Variants in ARHGAP42 observed in about 807,000 individuals in gnomAD.
The protein encoded by ARHGAP42 is rho GTPase-activating protein 42.
ARHGAP42 carries 63 observed loss-of-function variants against 125.0 expected under a neutral mutation model. That is an observed-to-expected ratio of 0.50 (90% CI 0.41 to 0.62). ARHGAP42 has a LOEUF of 0.62. Among genes scored for constraint, ARHGAP42 ranks in the 20% least tolerant of loss-of-function variants. The pLI, the probability that ARHGAP42 is intolerant of heterozygous loss-of-function variation, is 0.00. For missense variants in ARHGAP42, 766 were observed against 1,024.2 expected, an observed-to-expected ratio of 0.75 and a Z score of 3.44; for synonymous variants, 339 against 351.0, an observed-to-expected ratio of 0.97 and a Z score of 0.38.
intron 3 of ARHGAP42, among the ~76,000 whole-genome samples, chr11:100,858,780 A>G (rs1865381150): frequency 6.6e-6 from 1 of 152,090 alleles, no homozygotes; most frequent in Non-Finnish European, 1.5e-5. Flanking sequence ...CAAATTTTGT[A>G]AACTGGGCCT....
intron 2 of ARHGAP42, among the ~76,000 whole-genome samples, chr11:100,783,084 C>A (rs1863352491): frequency 6.6e-6 from 1 of 152,108 alleles, no homozygotes; most frequent in Non-Finnish European, 1.5e-5. Flanking sequence ...CCGTAAGATC[C>A]TTTAATTTTA....
At chr11:100,932,784 C>A (rs762660867) in intron 6 of ARHGAP42, among the ~76,000 whole-genome samples, 1 of 152,164 alleles carries the variant, frequency 6.6e-6, no homozygotes, top group Non-Finnish European at 1.5e-5. Flanking sequence ...GTCTTCCTTA[C>A]GTTGCACATC....
In ARHGAP42 at chr11:100,824,211, G is replaced by C. The variant is rs778280635; in HGVS notation, c.312+29045G>C. ...GGAATGTTTGTGAGAAGGTTCCCAG[G>C]GTAGCATAGAGTTAGTATTCAATAG... On this transcript the variant is annotated intron_variant, in intron 3 of 23. Coordinates refer to ENST00000298815, the MANE Select transcript of ARHGAP42 (RefSeq NM_152432.4). Among the ~76,000 whole-genome samples, 75 of 152,214 alleles carry C rather than the reference G, an allele frequency of 4.9e-4. 1 individual carries two copies. Among genetic ancestry groups the C allele is most frequent in the Non-Finnish European group, 9.7e-4 (66 of 68,016 alleles).
At chr11:100,928,907 G>A (rs925363183) in intron 6 of ARHGAP42, among the ~76,000 whole-genome samples, 2 of 152,020 alleles carry the variant, frequency 1.3e-5, no homozygotes, top group African/African-American at 2.4e-5. Context: ...ACTCAGATGC[G>A]GTTTTCGAGG....
intron 2 of ARHGAP42, among the ~76,000 whole-genome samples, chr11:100,771,773 T>C (rs1429889997): frequency 6.6e-6 from 1 of 152,116 alleles, no homozygotes. Context: ...TAATTTTTTT[T>C]TGTACTTTTA....
At chr11:100,808,358 A>T (rs1359510716) in intron 3 of ARHGAP42, among the ~76,000 whole-genome samples, 1 of 152,094 alleles carries the variant, frequency 6.6e-6, no homozygotes, top group East Asian at 1.9e-4. Context: ...AAAGCTTTTT[A>T]AAATTAAACT....
chr11:100,936,236 G>A lies in ARHGAP42; in HGVS notation c.736G>A (p.Val246Ile). ...RNNFESTRQE[V>I]ERLMQRMKSA... Reference sequence around the variant, plus strand: ...TAATTTTGAAAGTACTCGACAAGAGGTAGAGCGGTTGATGCAAAGGATGAA... The same window carrying A: ...TAATTTTGAAAGTACTCGACAAGAGATAGAGCGGTTGATGCAAAGGATGAA... Residue 246 changes from valine to isoleucine, a missense_variant, in exon 8 of 24, where the codon GTA becomes ATA. Val to Ile is a conservative substitution (Grantham distance 29). Around this residue, in one of 3 missense-constraint regions of ARHGAP42, gnomAD observed 455 missense variants for 636.5 expected, o/e 0.71. Coordinates refer to ENST00000298815, the MANE Select transcript of ARHGAP42 (RefSeq NM_152432.4). 2.6e-6 allele frequency: 4 copies of A among 1,551,770 alleles called. No individual in the cohort carries two copies. The highest frequency in any genetic ancestry group is 3.5e-6 in the Non-Finnish European group (4 of 1,146,952).
At chr11:100,718,749 A>G (rs1328344285) in intron 1 of ARHGAP42, among the ~76,000 whole-genome samples, 1 of 152,148 alleles carries the variant, frequency 6.6e-6, no homozygotes, top group African/African-American at 2.4e-5. Flanking sequence ...TCACATAGTA[A>G]TTTCTCCCTT....
chr11:100,970,562 C>T (rs1193281789), intron 17 of ARHGAP42, among the ~76,000 whole-genome samples: 6 of 151,898 alleles, frequency 4.0e-5, no homozygotes, highest in African/African-American at 1.4e-4. Context: ...CAGTTAAATT[C>T]CAGCTCCTTG....
Position 100,992,847 on chromosome 11 carries a change from G to A in ARHGAP42, c.*4046G>A. ...GCAGAAAATTGATCTGCATGTCCTA[G>A]ACCAATGATTACAAGGTGTCTGTGG... On this transcript the variant is annotated 3_prime_UTR_variant, in exon 24 of 24. Coordinates refer to ENST00000298815, the MANE Select transcript of ARHGAP42 (RefSeq NM_152432.4). The A allele has an allele frequency of 1.1e-6, 1 of 876,668 alleles. No homozygotes were observed. 54.3% of individuals were successfully genotyped at this position (876,668 alleles called of 1,614,324 possible).
Position 100,744,349 on chromosome 11 carries a change from A to G in ARHGAP42, c.155-25994A>G, listed in dbSNP as rs565032038. ...TCTCTGATATCTCCTTGAGTAGCTTAGTAATCAACCTTTTGAATTCTTTAT... is the reference window on the plus strand; with the variant it reads ...TCTCTGATATCTCCTTGAGTAGCTTGGTAATCAACCTTTTGAATTCTTTAT... On this transcript the variant is annotated intron_variant, in intron 1 of 23. Coordinates refer to ENST00000298815, the MANE Select transcript of ARHGAP42 (RefSeq NM_152432.4). 7.6e-4 allele frequency among the ~76,000 whole-genome samples: 116 copies of G among 152,302 alleles called. 1 individual carries two copies. The highest frequency in any genetic ancestry group is 2.7e-3 in the African/African-American group (112 of 41,560).
intron 4 of ARHGAP42, among the ~76,000 whole-genome samples, chr11:100,872,076 A>G (rs569526281): frequency 1.2e-3 from 177 of 152,234 alleles, no homozygotes; most frequent in African/African-American, 4.2e-3. Context: ...CATTGTTCCT[A>G]TTTACCTAAC....
At chr11:100,897,119 T>C (rs1866384677) in intron 4 of ARHGAP42, among the ~76,000 whole-genome samples, 1 of 152,204 alleles carries the variant, frequency 6.6e-6, no homozygotes, top group African/African-American at 2.4e-5. Flanking sequence ...TTTCTTGTTT[T>C]TGTCAGGTTT....
At chr11:100,755,551 G>A (rs1862550990) in intron 1 of ARHGAP42, among the ~76,000 whole-genome samples, 1 of 152,186 alleles carries the variant, frequency 6.6e-6, no homozygotes, top group Admixed American at 6.5e-5. Flanking sequence ...CAGTTCCACT[G>A]ATTGAGCATT....
At chr11:100,948,772 C>A (rs943665086) in intron 11 of ARHGAP42, among the ~76,000 whole-genome samples, 1 of 152,026 alleles carries the variant, frequency 6.6e-6, no homozygotes, top group African/African-American at 2.4e-5. Flanking sequence ...CCTAAAATTA[C>A]TTCTTAAAAA....
At chr11:100,964,075 A>T (rs1361004462) in intron 16 of ARHGAP42, among the ~76,000 whole-genome samples, 4 of 151,970 alleles carry the variant, frequency 2.6e-5, no homozygotes, top group African/African-American at 9.7e-5. Context: ...TTTTGTCTGG[A>T]CCTAACATAG....
At chr11:100,748,606 G>A (rs150897589) in intron 1 of ARHGAP42, among the ~76,000 whole-genome samples, 1,950 of 152,262 alleles carry the variant, frequency 0.013, 16 homozygotes, top group Non-Finnish European at 0.021. Context: ...CTGACCTGAT[G>A]AGGTGTGCTC....
At chr11:100,770,533 TCTG>T (rs1444421360) in intron 2 of ARHGAP42, 95 bp downstream of exon 2, 5 of 985,962 alleles carry the variant, frequency 5.1e-6, no homozygotes, top group Non-Finnish European at 7.2e-6. Context: ...TAAAATATTT[TCTG>T]ACTTTGACAA....
Position 100,687,720 on chromosome 11 carries a change from C to T in ARHGAP42, c.42C>T (p.Asp14=). 2 of 1,548,884 alleles carry T rather than the reference C, an allele frequency of 1.3e-6. No individual in the cohort carries two copies. ...PTLEFSDSYL[D]SPDFRERLQC... ...TGGAGTTCAGCGATTCCTACTTGGA[C>T]AGCCCAGATTTCAGGGAGCGCTTGC... The change falls in exon 1 of 24, where the codon GAC becomes GAT. Residue 14 remains aspartate, a synonymous_variant. Coordinates refer to ENST00000298815, the MANE Select transcript of ARHGAP42 (RefSeq NM_152432.4).
Sources: gnomAD v4.1 joint callset for allele counts (sites outside exome capture counted in the v4.1 genomes callset) on GRCh38, gnomAD v4.1.1 for gene constraint, gnomAD v4.1.1 regional missense constraint, MANE v1.5 for transcripts, NCBI Gene and HGNC (gene_info 2026-07-23, HGNC 2026-07-21) for gene names.